Variants in UAP1 observed in about 807,000 individuals in gnomAD.
UAP1 encodes the protein UDP-N-acetylglucosamine pyrophosphorylase 1.
UAP1 carries 25 observed loss-of-function variants against 58.5 expected under a neutral mutation model. That is an observed-to-expected ratio of 0.43 (90% CI 0.31 to 0.60). The LOEUF is 0.60. UAP1 is among the 20% of genes least tolerant of loss of function. UAP1 has a pLI of 0.11. For missense variants in UAP1, 575 were observed against 630.0 expected, an observed-to-expected ratio of 0.91 and a Z score of 0.93; for synonymous variants, 208 against 213.0, an observed-to-expected ratio of 0.98 and a Z score of 0.21.
chr1:162,595,408 CT>C (rs60704852), intron 9 of UAP1, among the ~76,000 whole-genome samples: 17 of 151,294 alleles, frequency 1.1e-4, no homozygotes, highest in African/African-American at 3.9e-4. Flanking sequence ...TCATTTTTTC[CT>C]TTTTTTTTCC....
rs1447119579 is a variant in UAP1, at chr1:162,566,288, C to T, written c.220C>T (p.Arg74Ter). Reference sequence around the variant, plus strand: ...GGATGCACGAATGGAACCTGTGCCTCGAGAGGTATTAGGCAGTGCTACAAG... The same window carrying T: ...GGATGCACGAATGGAACCTGTGCCTTGAGAGGTATTAGGCAGTGCTACAAG... The change falls in exon 2 of 11, where the codon CGA becomes TGA. Residue 74 changes from arginine to a stop codon, truncating the protein, a stop_gained. Transcript: ENST00000271469. LOFTEE classifies it high-confidence loss of function. The T allele has an allele frequency of 3.7e-6, 6 of 1,614,018 alleles. No homozygotes were observed. Among genetic ancestry groups the T allele is most frequent in the Non-Finnish European group, 5.1e-6 (6 of 1,180,030 alleles).
intron 8 of UAP1, among the ~76,000 whole-genome samples, chr1:162,591,065 T>C (rs1394893300): frequency 2.0e-5 from 3 of 151,726 alleles, no homozygotes; most frequent in Non-Finnish European, 2.9e-5. Context: ...GCAGGGACTA[T>C]ACAGGCACAT....
chr1:162,581,705 C>T (rs895413148), intron 5 of UAP1, among the ~76,000 whole-genome samples: 4 of 152,092 alleles, frequency 2.6e-5, no homozygotes, highest in Non-Finnish European at 4.4e-5. Flanking sequence ...GTAAGTACTT[C>T]GGAAAGTGGT....
chr1:162,588,224 G>A (rs1655036612), intron 6 of UAP1: 2 of 154,734 alleles, frequency 1.3e-5, no homozygotes, highest in African/African-American at 4.8e-5. Flanking sequence ...TCCCACCATA[G>A]TTTTAAATGA....
intron 4 of UAP1, 110 bp downstream of exon 4, chr1:162,579,713 A>C (rs1052557715): frequency 2.0e-6 from 2 of 1,007,290 alleles, no homozygotes; most frequent in Admixed American, 2.9e-5. Context: ...ATTAATATAT[A>C]TGTGTTTTTT....
At chr1:162,592,611 G>T in intron 8 of UAP1, 121 bp from the exon 9 acceptor site, 4 of 748,890 alleles carry the variant, frequency 5.3e-6, no homozygotes, top group Admixed American at 4.7e-5. Flanking sequence ...TGGTCTCTTG[G>T]GACGAATTTA....
At position 162,579,491 on chromosome 1, in the gene UAP1, C is replaced by A. The variant is rs777960082; in HGVS notation, c.549C>A (p.Tyr183Ter). ...AGGAGTTCTTCACCAAGCACAAGTA[C>A]TTTGGTTTAAAAAAAGAGAATGTAA... The change falls in exon 4 of 11, where the codon TAC (tyrosine) becomes TAA (stop). Residue 183 changes from tyrosine to a stop codon, truncating the protein, a stop_gained. Transcript: ENST00000271469. LOFTEE classifies it high-confidence loss of function. 2 of 1,611,598 alleles carry A rather than the reference C, an allele frequency of 1.2e-6. No individual in the cohort carries two copies. Among genetic ancestry groups the A allele is most frequent in the Non-Finnish European group, 1.7e-6 (2 of 1,178,882 alleles).
intron 2 of UAP1, among the ~76,000 whole-genome samples, chr1:162,567,307 T>G (rs1017608783): frequency 1.5e-4 from 23 of 152,218 alleles, no homozygotes; most frequent in Admixed American, 1.1e-3. Context: ...TGTAAATTCT[T>G]GAAGAACAGC....
At chr1:162,583,275 C>T (rs1654712164) in intron 5 of UAP1, among the ~76,000 whole-genome samples, 1 of 150,642 alleles carries the variant, frequency 6.6e-6, no homozygotes, top group Admixed American at 6.7e-5. Flanking sequence ...GCCTCAGCCT[C>T]CTGAGTAGCT....
intron 2 of UAP1, among the ~76,000 whole-genome samples, chr1:162,569,662 A>G (rs1653731175): frequency 6.6e-6 from 1 of 152,212 alleles, no homozygotes; most frequent in South Asian, 2.1e-4. Context: ...TTATATTACA[A>G]TATCTAATTA....
At chr1:162,569,675 A>G in intron 2 of UAP1, among the ~76,000 whole-genome samples, 1 of 152,208 alleles carries the variant, frequency 6.6e-6, no homozygotes, top group Middle Eastern at 3.2e-3. Context: ...TCTAATTAGT[A>G]TTCAGTCTTA....
intron 7 of UAP1, among the ~76,000 whole-genome samples, chr1:162,589,704 C>T (rs1221683199): frequency 6.6e-6 from 1 of 152,126 alleles, no homozygotes; most frequent in Admixed American, 6.5e-5. Flanking sequence ...TGCGTGGTGG[C>T]TCATGCCTGT....
chr1:162,588,906 A>G, intron 7 of UAP1, 73 bp downstream of exon 7: 1 of 1,454,822 alleles, frequency 6.9e-7, no homozygotes, highest in Non-Finnish European at 9.2e-7. Context: ...TTAGGCATGA[A>G]ACTGTTTTCA....
At chr1:162,578,913 A>T (rs1461424715) in intron 3 of UAP1, among the ~76,000 whole-genome samples, 1 of 152,048 alleles carries the variant, frequency 6.6e-6, no homozygotes, top group Non-Finnish European at 1.5e-5. Context: ...TTTAGAAATA[A>T]TTTTTTTCTT....
chr1:162,585,388 G>A (rs1427346104), intron 5 of UAP1, among the ~76,000 whole-genome samples: 3 of 151,652 alleles, frequency 2.0e-5, no homozygotes, highest in South Asian at 2.1e-4. Context: ...CTCCTGAATC[G>A]CTGGGATTAC....
chr1:162,591,896 C>T (rs963093201), intron 8 of UAP1, among the ~76,000 whole-genome samples: 7 of 152,124 alleles, frequency 4.6e-5, no homozygotes, highest in Non-Finnish European at 5.9e-5. Context: ...ACAATACACC[C>T]GCCTTGGCCA....
At chr1:162,600,538 A>G (rs1179442247), downstream of UAP1, among the ~76,000 whole-genome samples, 1 of 152,168 alleles carries the variant, frequency 6.6e-6, no homozygotes, top group African/African-American at 2.4e-5. Flanking sequence ...TGGATAAATG[A>G]TTCTAAAAAT....
At chr1:162,594,723 G>T (rs1470539220) in intron 9 of UAP1, among the ~76,000 whole-genome samples, 1 of 152,180 alleles carries the variant, frequency 6.6e-6, no homozygotes, top group East Asian at 1.9e-4. Flanking sequence ...ACTGAAGACA[G>T]CATCTAGCTA....
At chr1:162,573,328 G>A (rs2101754337) in intron 2 of UAP1, among the ~76,000 whole-genome samples, 1 of 152,114 alleles carries the variant, frequency 6.6e-6, no homozygotes, top group South Asian at 2.1e-4. Flanking sequence ...AAGAGGCCCT[G>A]GAGTCAGGTC....
Sources: gnomAD v4.1 joint callset for allele counts (sites outside exome capture counted in the v4.1 genomes callset) on GRCh38, gnomAD v4.1.1 for gene constraint, MANE v1.5 for transcripts, NCBI Gene and HGNC (gene_info 2026-07-23, HGNC 2026-07-21) for gene names.